DERA: variants seen among roughly 807,000 people sequenced by gnomAD.
DERA encodes 2-deoxy-D-ribose 5-phosphate aldolase.
In DERA, 15 loss-of-function variants were observed where a neutral mutation model predicts 41.1. The observed-to-expected ratio is 0.37, with a 90% CI of 0.24 to 0.56. The LOEUF (loss-of-function observed/expected upper bound fraction) is 0.56, where lower values mean the gene tolerates loss of function less well. Ranked by LOEUF, DERA falls within the 20% of genes least tolerant of loss-of-function variation. The probability of loss-of-function intolerance (pLI) is 0.81; values close to 1 mark genes in which losing one functional copy is unlikely to be tolerated. For synonymous variants in DERA, 139 were observed against 137.4 expected (o/e 1.01, Z -0.08); for missense variants, 396 against 403.4 (o/e 0.98, Z 0.16).
In DERA at chr12:15,983,168, G is replaced by A. The variant is rs1948743799; in HGVS notation, c.637+732G>A. ...CCTGACTTTTGTTCCCCTCCAATCT[G>A]TTCTCCACACTGTCACCACAATTTT... On this transcript the variant is annotated intron_variant, in intron 6 of 8. Transcript: ENST00000428559. The surrounding 1 kb of genome is among the most constrained non-coding windows in gnomAD (Gnocchi z 6.2). 6.6e-6 allele frequency among the ~76,000 whole-genome samples: 1 copy of A among 151,968 alleles called. No individual in the cohort carries two copies. The highest frequency in any genetic ancestry group is 6.6e-5 in the Admixed American group (1 of 15,264).
intron 6 of DERA, among the ~76,000 whole-genome samples, chr12:16,023,731 C>T (rs1266871054): frequency 6.6e-6 from 1 of 152,068 alleles, no homozygotes; most frequent in Non-Finnish European, 1.5e-5. Flanking sequence ...CCCGCCTCGG[C>T]CTCCCAAAGT....
At position 16,003,204 on chromosome 12, in the gene DERA, G is replaced by C. The variant is rs1565611198; in HGVS notation, c.637+20768G>C. On this transcript the variant is annotated intron_variant, in intron 6 of 8. Transcript: ENST00000428559. This position sits in a 1 kb window ranked among gnomAD's most constrained non-coding sequence, Gnocchi z 4.8. ...AAGCCTCACCCTGGTCTCTGCCTTT[G>C]TGATGATATGGTGTTCTTCATGTTG... Among the ~76,000 whole-genome samples the C allele has an allele frequency of 6.6e-6, 1 of 152,136 alleles. No individual in the cohort carries two copies. Among genetic ancestry groups the C allele is most frequent in the Non-Finnish European group, 1.5e-5 (1 of 68,040 alleles).
chr12:15,996,156 CATGTGTGT>C lies in DERA; in HGVS notation c.637+13721_637+13728del, dbSNP rs761815531. Among the ~76,000 whole-genome samples the C allele has an allele frequency of 5.7e-5, 6 of 105,564 alleles. No homozygotes were observed. The highest frequency in any genetic ancestry group is 1.9e-4 in the African/African-American group (5 of 26,446). The allele number at this position is 105,564 out of a possible 152,430, so 69.3% of individuals were successfully genotyped here. On this transcript the variant is annotated intron_variant, in intron 6 of 8. Coordinates refer to ENST00000428559, the MANE Select transcript of DERA (RefSeq NM_015954.4). The surrounding 1 kb of genome is among the most constrained non-coding windows in gnomAD (Gnocchi z 4.7). ...TGCAGACACAGACACACACACAGAG[CATGTGTGT>C]GTGTGTGTGTGTGTGTGTGTGTGTG...
intron 6 of DERA, among the ~76,000 whole-genome samples, chr12:16,016,958 C>G (rs969260349): frequency 6.6e-6 from 1 of 152,100 alleles, no homozygotes; most frequent in African/African-American, 2.4e-5. Flanking sequence ...ACTGGACATA[C>G]TCAAGGACTT....
Position 16,008,205 on chromosome 12 carries a change from G to A in DERA, c.638-24337G>A, listed in dbSNP as rs1034843893. Among the ~76,000 whole-genome samples the A allele has an allele frequency of 1.3e-5, 2 of 152,212 alleles. No individual in the cohort carries two copies. The highest frequency in any genetic ancestry group is 4.8e-5 in the African/African-American group (2 of 41,440). ...TCTTCAGCAACGTGCAGACACATTG[G>A]TGTACAGATGCTTCATTCGCTAATG... On this transcript the variant is annotated intron_variant, in intron 6 of 8. Coordinates refer to ENST00000428559, the MANE Select transcript of DERA (RefSeq NM_015954.4). The surrounding 1 kb of genome is among the most constrained non-coding windows in gnomAD (Gnocchi z 4.8).
At position 16,012,876 on chromosome 12, in the gene DERA, T is replaced by A. The variant is rs1387231120; in HGVS notation, c.638-19666T>A. Among the ~76,000 whole-genome samples the A allele has an allele frequency of 6.6e-6, 1 of 152,246 alleles. No individual in the cohort carries two copies. Among genetic ancestry groups the A allele is most frequent in the Non-Finnish European group, 1.5e-5 (1 of 68,042 alleles). On this transcript the variant is annotated intron_variant, in intron 6 of 8. Coordinates refer to ENST00000428559, the MANE Select transcript of DERA (RefSeq NM_015954.4). The surrounding 1 kb of genome is among the most constrained non-coding windows in gnomAD (Gnocchi z 4.1). ...TTTTATTTAATAAATCTGCAATATA[T>A]CATTTTAATGTGTAGTGAATATAAA...
Position 16,036,606 on chromosome 12 carries a change from TTTA to T in DERA, c.901-75_901-73del. ...TCTAATGAAATGTTCATTAAAACTA[TTTA>T]TTATTATTTGATAGTATAATTATTA... On this transcript the variant is annotated intron_variant, in intron 8 of 8. Transcript: ENST00000428559. This position sits in a 1 kb window ranked among gnomAD's most constrained non-coding sequence, Gnocchi z 4.9. The T allele has an allele frequency of 1.1e-5, 12 of 1,113,426 alleles. No homozygotes were observed. Among genetic ancestry groups the T allele is most frequent in the East Asian group, 2.6e-5 (1 of 37,998 alleles). 69.0% of individuals were successfully genotyped at this position (1,113,426 alleles called of 1,614,324 possible).
rs1192573256 is a variant in DERA, at chr12:15,922,192, C to T, written c.31+10778C>T. Among the ~76,000 whole-genome samples, 2 of 152,116 alleles carry T rather than the reference C, an allele frequency of 1.3e-5. No individual in the cohort carries two copies. The highest frequency in any genetic ancestry group is 4.8e-5 in the African/African-American group (2 of 41,426). On this transcript the variant is annotated intron_variant, in intron 1 of 8. Coordinates refer to ENST00000428559, the MANE Select transcript of DERA (RefSeq NM_015954.4). The surrounding 1 kb of genome is among the most constrained non-coding windows in gnomAD (Gnocchi z 4.9). ...TTACCTTCATCAAATTTTAAAATAT[C>T]CCCGGGGAAGTACGCTGCCTTATTC... is the stretch of plus-strand genomic sequence containing the variant.
At chr12:15,916,606 A>G (rs1220699436) in intron 1 of DERA, among the ~76,000 whole-genome samples, 1 of 151,936 alleles carries the variant, frequency 6.6e-6, no homozygotes, top group Non-Finnish European at 1.5e-5. Context: ...ATGCGCCACC[A>G]TGCCCAGCTA....
intron 6 of DERA, among the ~76,000 whole-genome samples, chr12:16,015,101 G>C (rs1413834286): frequency 6.6e-6 from 1 of 152,188 alleles, no homozygotes; most frequent in Non-Finnish European, 1.5e-5. Flanking sequence ...GATGGGACTT[G>C]CCTTGTCTCA....
chr12:15,947,289 C>T (rs775041969), intron 1 of DERA, among the ~76,000 whole-genome samples: 2 of 152,106 alleles, frequency 1.3e-5, no homozygotes, highest in African/African-American at 4.8e-5. Context: ...GTTGATCTGT[C>T]TAATGTTGAC....
At chr12:15,937,647 A>G (rs1948378574) in intron 1 of DERA, among the ~76,000 whole-genome samples, 1 of 152,202 alleles carries the variant, frequency 6.6e-6, no homozygotes, top group Admixed American at 6.5e-5. Flanking sequence ...ATGTTGTTAA[A>G]TTACATGTTT....
chr12:15,937,024 G>A (rs965837219), intron 1 of DERA, among the ~76,000 whole-genome samples: 7 of 152,034 alleles, frequency 4.6e-5, no homozygotes, highest in Non-Finnish European at 1.0e-4. Flanking sequence ...CCAAGCCAGA[G>A]TGCAGTGGCA....
Position 16,036,605 on chromosome 12 carries a change from A to G in DERA, c.901-85A>G. ...TTCTAATGAAATGTTCATTAAAACT[A>G]TTTATTATTATTTGATAGTATAATT... On this transcript the variant is annotated intron_variant, in intron 8 of 8. Coordinates refer to ENST00000428559, the MANE Select transcript of DERA (RefSeq NM_015954.4). The surrounding 1 kb of genome is among the most constrained non-coding windows in gnomAD (Gnocchi z 4.9). 4.5e-6 allele frequency: 5 copies of G among 1,101,132 alleles called. No individual in the cohort carries two copies. The highest frequency in any genetic ancestry group is 6.6e-6 in the Non-Finnish European group (5 of 756,118). The allele number at this position is 1,101,132 out of a possible 1,614,324, so 68.2% of individuals were successfully genotyped here. A position where few individuals can be genotyped will look rare whatever the true frequency, so the allele number is the denominator to read the frequency against.
rs1304845030 is a variant in DERA, at chr12:16,003,792, A to G, written c.637+21356A>G. Reference sequence around the variant, plus strand: ...TAACTCCTCACTGCCCCTTCCCCGCAAAACCCTCTTTGTATCACCATCTTG... The same window carrying G: ...TAACTCCTCACTGCCCCTTCCCCGCGAAACCCTCTTTGTATCACCATCTTG... On this transcript the variant is annotated intron_variant, in intron 6 of 8. Coordinates refer to ENST00000428559, the MANE Select transcript of DERA (RefSeq NM_015954.4). The surrounding 1 kb of genome is among the most constrained non-coding windows in gnomAD (Gnocchi z 4.8). Among the ~76,000 whole-genome samples the G allele has an allele frequency of 6.6e-6, 1 of 152,182 alleles. No individual in the cohort carries two copies. The highest frequency in any genetic ancestry group is 6.5e-5 in the Admixed American group (1 of 15,276).
rs911505302 is a variant in DERA at position 15,913,269 on chromosome 12, C to T, written c.31+1855C>T. On this transcript the variant is annotated intron_variant, in intron 1 of 8. Transcript: ENST00000428559. The surrounding 1 kb of genome is among the most constrained non-coding windows in gnomAD (Gnocchi z 4.5). Reference sequence around the variant, plus strand: ...GTAAATGTGGTTTTTATGCAGCTATCGAAATGATCATAGCTTTGTATTTAT... The same window carrying T: ...GTAAATGTGGTTTTTATGCAGCTATTGAAATGATCATAGCTTTGTATTTAT... 1.3e-5 allele frequency among the ~76,000 whole-genome samples: 2 copies of T among 152,078 alleles called. No individual in the cohort carries two copies. Among genetic ancestry groups the T allele is most frequent in the Non-Finnish European group, 1.5e-5 (1 of 68,020 alleles).
rs1438157587 is a variant in DERA at position 15,913,265 on chromosome 12, C to T, written c.31+1851C>T. Among the ~76,000 whole-genome samples the T allele has an allele frequency of 2.0e-5, 3 of 152,136 alleles. No homozygotes were observed. Among genetic ancestry groups the T allele is most frequent in the African/African-American group, 7.2e-5 (3 of 41,438 alleles). Reference sequence around the variant, plus strand: ...AATAGTAAATGTGGTTTTTATGCAGCTATCGAAATGATCATAGCTTTGTAT... The same window carrying T: ...AATAGTAAATGTGGTTTTTATGCAGTTATCGAAATGATCATAGCTTTGTAT... On this transcript the variant is annotated intron_variant, in intron 1 of 8. Transcript: ENST00000428559. This position sits in a 1 kb window ranked among gnomAD's most constrained non-coding sequence, Gnocchi z 4.5.
Position 16,011,493 on chromosome 12 carries a change from C to T in DERA, c.638-21049C>T, listed in dbSNP as rs1450091671. Among the ~76,000 whole-genome samples the T allele has an allele frequency of 6.6e-6, 1 of 152,112 alleles. No homozygotes were observed. Among genetic ancestry groups the T allele is most frequent in the Non-Finnish European group, 1.5e-5 (1 of 68,018 alleles). On this transcript the variant is annotated intron_variant, in intron 6 of 8. Coordinates refer to ENST00000428559, the MANE Select transcript of DERA (RefSeq NM_015954.4). The surrounding 1 kb of genome is among the most constrained non-coding windows in gnomAD (Gnocchi z 4.7). Reference sequence around the variant, plus strand: ...TATCAACGGAGTTTCGATTTTGGAGCATTTCAGACGTTCAGATTTGGGATG... The same window carrying T: ...TATCAACGGAGTTTCGATTTTGGAGTATTTCAGACGTTCAGATTTGGGATG...
intron 6 of DERA, among the ~76,000 whole-genome samples, chr12:16,016,726 A>G (rs1373071265): frequency 1.4e-5 from 2 of 141,714 alleles, no homozygotes; most frequent in Non-Finnish European, 3.0e-5. Context: ...CAGGAGGTCA[A>G]GGCTGCAGTG....
Sources: gnomAD v4.1 joint callset for allele counts (sites outside exome capture counted in the v4.1 genomes callset) on GRCh38, gnomAD v4.1.1 for gene constraint, Gnocchi (gnomAD v3.1) non-coding constraint, MANE v1.5 for transcripts, NCBI Gene and HGNC (gene_info 2026-07-23, HGNC 2026-07-21) for gene names.